Variants in ABCA13 observed in about 807,000 individuals in gnomAD.
The protein encoded by ABCA13 is ATP-binding cassette sub-family A member 13.
In ABCA13, 476 loss-of-function variants were observed where a neutral mutation model predicts 478.7. The observed-to-expected ratio is 0.99, with a 90% confidence interval of 0.92 to 1.07. The LOEUF (loss-of-function observed/expected upper bound fraction) is 1.07. Among genes scored for constraint, ABCA13 ranks in the 50% least tolerant of loss-of-function variants. The pLI, the probability that ABCA13 is intolerant of heterozygous loss-of-function variation, is 0.00. For missense variants in ABCA13, 6,060 were observed against 5,910.6 expected (o/e 1.03, Z -0.83); for synonymous variants, 2,252 against 2,158.9 (o/e 1.04, Z -1.20).
At chr7:48,516,947 T>G (rs1399377928) in intron 52 of ABCA13, 66 bp downstream of exon 52, 5 of 1,511,468 alleles carry the variant, frequency 3.3e-6, no homozygotes, top group Non-Finnish European at 4.5e-6. Flanking sequence ...TGTTAACTCA[T>G]GCCTCTTTTG....
At chr7:48,216,956 G>T (rs1178574584) in intron 3 of ABCA13, among the ~76,000 whole-genome samples, 1 of 152,058 alleles carries the variant, frequency 6.6e-6, no homozygotes, top group Middle Eastern at 3.2e-3. Flanking sequence ...TGTTTTTGTA[G>T]CTCTCAGTTC....
At chr7:48,552,579 C>T (rs1310640952) in intron 55 of ABCA13, among the ~76,000 whole-genome samples, 1 of 145,292 alleles carries the variant, frequency 6.9e-6, no homozygotes, top group Non-Finnish European at 1.5e-5. Context: ...AGCATTGTTC[C>T]TCACCTTTGT....
Position 48,387,914 on chromosome 7 carries a change from C to G in ABCA13, c.11428C>G (p.Leu3810Val), listed in dbSNP as rs1815431666. 1.1e-5 allele frequency: 18 copies of G among 1,612,532 alleles called. No individual in the cohort carries two copies. Among genetic ancestry groups the G allele is most frequent in the Non-Finnish European group, 1.4e-5 (17 of 1,179,262 alleles). Reference protein sequence around the residue: ...GFLVEKRQYFLSSSLFFFNEN... With the variant: ...GFLVEKRQYFVSSSLFFFNEN... ...CTTGGTGGAGAAAAGGCAATACTTT[C>G]TAAGTTCTAGTCTGTTCTTCTTCAA... is the stretch of plus-strand genomic sequence containing the variant. The change falls in exon 36 of 62, where the codon CTA becomes GTA. Residue 3810 changes from leucine (L) to valine (V), a missense_variant. Physicochemically the swap from Leu to Val is conservative, Grantham distance 32. Coordinates refer to ENST00000435803, the MANE Select transcript of ABCA13 (RefSeq NM_152701.5).
intron 35 of ABCA13, among the ~76,000 whole-genome samples, chr7:48,382,317 A>G (rs1246794516): frequency 1.3e-5 from 2 of 152,208 alleles, no homozygotes; most frequent in Non-Finnish European, 1.5e-5. Flanking sequence ...CCTCCCCTGC[A>G]TGACAGTCTT....
chr7:48,215,133 A>G (rs1306304309), intron 3 of ABCA13, among the ~76,000 whole-genome samples: 5 of 152,104 alleles, frequency 3.3e-5, no homozygotes, highest in Non-Finnish European at 7.4e-5. Flanking sequence ...AATAATAATA[A>G]TTCTAATAAT....
chr7:48,472,246 AT>A (rs201764377), intron 45 of ABCA13, among the ~76,000 whole-genome samples: 48 of 152,298 alleles, frequency 3.2e-4, no homozygotes, highest in African/African-American at 8.4e-4. Context: ...AAGAAAAAAA[AT>A]ATTGAAGTTA....
intron 59 of ABCA13, among the ~76,000 whole-genome samples, chr7:48,622,387 G>A (rs1381828675): frequency 6.6e-6 from 1 of 152,138 alleles, no homozygotes; most frequent in African/African-American, 2.4e-5. Flanking sequence ...GGGTTAGAAT[G>A]CTGCTGGATG....
intron 29 of ABCA13, among the ~76,000 whole-genome samples, chr7:48,341,048 T>C (rs1807082712): frequency 6.6e-6 from 1 of 152,076 alleles, no homozygotes; most frequent in South Asian, 2.1e-4. Context: ...CCCTGATCAG[T>C]TGCTCCCACT....
At chr7:48,558,151 ATCCC>A (rs905972097) in intron 55 of ABCA13, among the ~76,000 whole-genome samples, 50 of 99,344 alleles carry the variant, frequency 5.0e-4, no homozygotes, top group East Asian at 6.0e-4. Flanking sequence ...TCCTTTCTCC[ATCCC>A]TCCCTCCCTC....
intron 59 of ABCA13, among the ~76,000 whole-genome samples, chr7:48,637,800 AT>A (rs1794795493): frequency 6.6e-6 from 1 of 152,186 alleles, no homozygotes; most frequent in Admixed American, 6.5e-5. Context: ...ATAGATATGC[AT>A]TTTGCTGTTT....
chr7:48,197,422 A>G (rs1798077456), intron 2 of ABCA13, among the ~76,000 whole-genome samples: 2 of 152,102 alleles, frequency 1.3e-5, no homozygotes, highest in Non-Finnish European at 2.9e-5. Context: ...TGAACATTTG[A>G]CCTGGAGTCA....
intron 3 of ABCA13, among the ~76,000 whole-genome samples, chr7:48,219,019 C>G (rs993819112): frequency 1.3e-5 from 2 of 152,150 alleles, no homozygotes; most frequent in East Asian, 3.8e-4. Flanking sequence ...CCGTACTGTT[C>G]ACTGATGTAT....
At chr7:48,448,242 G>A (rs1585366445) in intron 42 of ABCA13, among the ~76,000 whole-genome samples, 1 of 152,196 alleles carries the variant, frequency 6.6e-6, no homozygotes, top group Non-Finnish European at 1.5e-5. Flanking sequence ...AACCGCAAAG[G>A]AAGCTCAGGT....
intron 19 of ABCA13, among the ~76,000 whole-genome samples, chr7:48,283,382 A>C (rs1040648068): frequency 2.0e-5 from 3 of 152,266 alleles, no homozygotes; most frequent in African/African-American, 7.2e-5. Context: ...AAGAAGCTAA[A>C]GTATGGCCAT....
At chr7:48,427,901 G>T in intron 42 of ABCA13, 30 bp downstream of exon 42, 1 of 1,446,762 alleles carries the variant, frequency 6.9e-7, no homozygotes. Context: ...CTGCATTTCT[G>T]CTGGAGGAAC....
rs1801400977 is a variant in ABCA13 at position 48,309,279 on chromosome 7, G to T, written c.9322-668G>T. Among the ~76,000 whole-genome samples, 3 of 152,114 alleles carry T rather than the reference G, an allele frequency of 2.0e-5. No individual in the cohort carries two copies. In the South Asian group the frequency reaches 6.2e-4, roughly 32 times the overall value. On this transcript the variant is annotated intron_variant, in intron 23 of 61. Transcript: ENST00000435803. The stretch of plus-strand genomic sequence containing the variant: ...CATCAGGAGCAAAAACATGGAGCAG[G>T]AAGTATGGTTTTTGTTTTATTTTGC...
At chr7:48,376,103 CT>C (rs1813437352) in intron 34 of ABCA13, among the ~76,000 whole-genome samples, 1 of 152,104 alleles carries the variant, frequency 6.6e-6, no homozygotes, top group Admixed American at 6.5e-5. Context: ...CTCAAGGAGA[CT>C]TTAAAAAATT....
At chr7:48,575,683 G>GA (rs140935121) in intron 55 of ABCA13, among the ~76,000 whole-genome samples, 4,888 of 152,182 alleles carry the variant, frequency 0.032, 119 homozygotes, top group Middle Eastern at 0.051. Flanking sequence ...TGTGGAACAT[G>GA]AAAAAATGAA....
At chr7:48,408,314 G>A (rs62447263) in intron 39 of ABCA13, among the ~76,000 whole-genome samples, 29,633 of 151,970 alleles carry the variant, frequency 0.19, 3,275 homozygotes, top group East Asian at 0.23. Flanking sequence ...TTAGATTCTA[G>A]TTGACTTTTA....
Sources: gnomAD v4.1 joint callset for allele counts (sites outside exome capture counted in the v4.1 genomes callset) on GRCh38, gnomAD v4.1.1 for gene constraint, MANE v1.5 for transcripts, NCBI Gene and HGNC (gene_info 2026-07-23, HGNC 2026-07-21) for gene names.